PALM2AKAP2: variants seen among roughly 807,000 people sequenced by gnomAD.
The protein encoded by PALM2AKAP2 is PALM2-AKAP2 fusion protein.
A neutral mutation model predicts 71.5 loss-of-function variants in PALM2AKAP2; 37 were observed. The observed-to-expected ratio is 0.52, with a 90% CI of 0.40 to 0.68. The LOEUF (loss-of-function observed/expected upper bound fraction) is 0.68. PALM2AKAP2 is among the 30% of genes least tolerant of loss of function. PALM2AKAP2 has a pLI of 0.00. For missense variants in PALM2AKAP2, 1,224 were observed against 1,191.8 expected (o/e 1.03, Z -0.40); for synonymous variants, 468 against 478.8 (o/e 0.98, Z 0.29).
At chr9:110,156,378 C>G (rs1316967005) in exon 3 of PALM2AKAP2, 1 of 1,611,206 alleles carries the variant, frequency 6.2e-7, no homozygotes, top group East Asian at 2.2e-5. Context: ...CAGCTTGCAG[C>G]CTGACTTAGC....
At chr9:109,886,350 A>C (rs375400272) in intron 3 of PALM2AKAP2, among the ~76,000 whole-genome samples, 1 of 152,308 alleles carries the variant, frequency 6.6e-6, no homozygotes, top group East Asian at 1.9e-4. Flanking sequence ...GTCTGCCCCA[A>C]GCATCAAGTC....
At chr9:109,992,952 T>G (rs142150605) in intron 6 of PALM2AKAP2, among the ~76,000 whole-genome samples, 3,857 of 144,402 alleles carry the variant, frequency 0.027, 89 homozygotes, top group Admixed American at 0.06. Flanking sequence ...TATATATATA[T>G]ATAGAGAGAG....
intron 6 of PALM2AKAP2, among the ~76,000 whole-genome samples, chr9:109,993,127 T>C (rs2095855293): frequency 6.7e-6 from 1 of 150,188 alleles, no homozygotes; most frequent in African/African-American, 2.5e-5. Context: ...CCTCTTGGAG[T>C]CTCTCTGTTC....
intron 1 of PALM2AKAP2, among the ~76,000 whole-genome samples, chr9:109,768,898 T>G (rs192954644): frequency 1.2e-3 from 180 of 152,306 alleles, no homozygotes; most frequent in African/African-American, 4.0e-3. Context: ...GGTGGGAGGA[T>G]TGCTTGCACC....
intron 1 of PALM2AKAP2, among the ~76,000 whole-genome samples, chr9:110,070,445 A>C (rs1834177121): frequency 6.6e-6 from 1 of 152,022 alleles, no homozygotes. Flanking sequence ...TTAGAAACTA[A>C]ATTTTAAAAT....
At chr9:109,816,161 C>T (rs758106436) in intron 1 of PALM2AKAP2, among the ~76,000 whole-genome samples, 4 of 152,118 alleles carry the variant, frequency 2.6e-5, no homozygotes, top group African/African-American at 7.2e-5. Flanking sequence ...TTTGTAGTGT[C>T]GTTCTCCTAC....
At chr9:109,810,716 A>G (rs554003385) in intron 1 of PALM2AKAP2, among the ~76,000 whole-genome samples, 2 of 152,290 alleles carry the variant, frequency 1.3e-5, no homozygotes, top group East Asian at 3.9e-4. Context: ...ATATGACAGT[A>G]TGTTTGAGGG....
intron 3 of PALM2AKAP2, among the ~76,000 whole-genome samples, chr9:109,916,369 G>C (rs1352923867): frequency 6.6e-6 from 1 of 152,234 alleles, no homozygotes; most frequent in African/African-American, 2.4e-5. Context: ...AGCCTTGAAG[G>C]CCAGGTATTT....
intron 1 of PALM2AKAP2, among the ~76,000 whole-genome samples, chr9:110,100,051 C>CTCTATATA (rs143442936): frequency 5.5e-5 from 6 of 109,462 alleles, no homozygotes; most frequent in African/African-American, 1.6e-4. Context: ...GTATGTGTGT[C>CTCTATATA]TATATATATA....
chr9:110,020,816 A>G (rs952834217), intron 7 of PALM2AKAP2, among the ~76,000 whole-genome samples: 36 of 152,158 alleles, frequency 2.4e-4, no homozygotes, highest in African/African-American at 8.2e-4. Context: ...TGCAGATACA[A>G]TTAACAATCT....
At chr9:109,682,333 A>C (rs1827748801) in intron 1 of PALM2AKAP2, among the ~76,000 whole-genome samples, 1 of 152,314 alleles carries the variant, frequency 6.6e-6, no homozygotes, top group Non-Finnish European at 1.5e-5. Flanking sequence ...TGCTTCATTC[A>C]CTCAAGGAAA....
At position 109,670,401 on chromosome 9, in the gene PALM2AKAP2, T is replaced by C. The variant is rs1827556180; in HGVS notation, c.5+29535T>C. 2.0e-5 allele frequency among the ~76,000 whole-genome samples: 3 copies of C among 152,250 alleles called. 1 individual carries two copies. The South Asian group carries it at 6.2e-4, about 32-fold the overall frequency. On this transcript the variant is annotated intron_variant, in intron 1 of 6. Transcript: ENST00000374531. ...TGTCTGTTCCTGTGTTAATTTGCTA[T>C]GGATAATGGCCTTCAGCTCCATCCA...
chr9:110,041,863 C>T (rs1317660897), intron 7 of PALM2AKAP2, among the ~76,000 whole-genome samples: 1 of 152,206 alleles, frequency 6.6e-6, no homozygotes, highest in Non-Finnish European at 1.5e-5. Flanking sequence ...ACACAGATTC[C>T]TGTGCTCTGG....
chr9:109,821,520 A>T (rs976067926), intron 1 of PALM2AKAP2, among the ~76,000 whole-genome samples: 1 of 152,150 alleles, frequency 6.6e-6, no homozygotes, highest in African/African-American at 2.4e-5. Context: ...TCATGCATTC[A>T]TTGAGCAAAT....
At chr9:109,684,815 T>G (rs1026096510) in intron 1 of PALM2AKAP2, among the ~76,000 whole-genome samples, 1 of 152,186 alleles carries the variant, frequency 6.6e-6, no homozygotes, top group African/African-American at 2.4e-5. Context: ...CTAAGAGAAG[T>G]GAAAACATAT....
chr9:110,046,136 A>C (rs567902708), upstream of PALM2AKAP2, among the ~76,000 whole-genome samples: 6 of 152,276 alleles, frequency 3.9e-5, no homozygotes, highest in Admixed American at 3.9e-4. Flanking sequence ...AGAAAATGTT[A>C]ATTAAAAACA....
chr9:109,792,750 A>G (rs569270544), intron 1 of PALM2AKAP2, among the ~76,000 whole-genome samples: 5 of 152,182 alleles, frequency 3.3e-5, no homozygotes, highest in South Asian at 4.2e-4. Flanking sequence ...TTCCTAATAC[A>G]TACCTTCTGC....
chr9:110,010,906 G>A (rs568013986), intron 6 of PALM2AKAP2, among the ~76,000 whole-genome samples: 1 of 144,200 alleles, frequency 6.9e-6, no homozygotes, highest in Non-Finnish European at 1.5e-5. Flanking sequence ...TGAGGCAGGA[G>A]AATTGCTTGA....
intron 1 of PALM2AKAP2, among the ~76,000 whole-genome samples, chr9:109,774,466 C>T (rs1003706762): frequency 6.6e-6 from 1 of 152,068 alleles, no homozygotes. Flanking sequence ...TTTTTAAATT[C>T]CTTCTTATTT....
Sources: allele counts gnomAD v4.1 joint callset (sites outside exome capture counted in the v4.1 genomes callset), GRCh38; gene constraint gnomAD v4.1.1; transcripts MANE v1.5; gene names NCBI Gene and HGNC (gene_info 2026-07-23, HGNC 2026-07-21).